FOCAD: variants seen among roughly 807,000 people sequenced by gnomAD.
FOCAD encodes the protein focadhesin.
In FOCAD, 198 loss-of-function variants were observed where a neutral mutation model predicts 225.6. That is an observed-to-expected ratio of 0.88 (90% CI 0.78 to 0.99). The LOEUF is 0.99. Ranked by LOEUF, FOCAD falls within the 50% of genes least tolerant of loss-of-function variation. FOCAD has a pLI of 0.00. For missense variants in FOCAD, 2,713 were observed against 2,123.6 expected (o/e 1.28, Z -5.46); for synonymous variants, 897 against 755.0 (o/e 1.19, Z -3.08).
At chr9:20,953,777 G>A (rs1240143497) in intron 35 of FOCAD, among the ~76,000 whole-genome samples, 1 of 152,120 alleles carries the variant, frequency 6.6e-6, no homozygotes, top group Non-Finnish European at 1.5e-5. Context: ...TTCATTGATG[G>A]GTTTGCTAAT....
intron 15 of FOCAD, among the ~76,000 whole-genome samples, chr9:20,835,471 C>T (rs1324641755): frequency 6.6e-6 from 1 of 152,036 alleles, no homozygotes; most frequent in Non-Finnish European, 1.5e-5. Flanking sequence ...TTAAATTTTA[C>T]TATCAGCCAT....
chr9:20,680,183 TC>T (rs1822359216), upstream of FOCAD, among the ~76,000 whole-genome samples: 4 of 152,246 alleles, frequency 2.6e-5, no homozygotes, highest in Admixed American at 6.5e-5. Context: ...AGAATCTTTT[TC>T]CTCCTGGCTA....
intron 30 of FOCAD, among the ~76,000 whole-genome samples, chr9:20,947,569 T>C (rs914791706): frequency 6.6e-6 from 1 of 152,102 alleles, no homozygotes; most frequent in African/African-American, 2.4e-5. Flanking sequence ...TGGAGATGGA[T>C]GGTGGTATTG....
At chr9:20,875,942 C>T (rs1219821719) in intron 19 of FOCAD, 2 of 152,090 alleles carry the variant, frequency 1.3e-5, no homozygotes, top group African/African-American at 2.4e-5. Context: ...AAATGAAGTT[C>T]AATCAAAACA....
At position 20,769,926 on chromosome 9, in the gene FOCAD, T is replaced by C. The variant is rs908451816; in HGVS notation, c.700-106T>C. The C allele has an allele frequency of 3.1e-5, 31 of 991,838 alleles. 1 individual carries two copies. The highest frequency in any genetic ancestry group is 3.7e-5 in the Non-Finnish European group (25 of 674,834). 61.4% of individuals were successfully genotyped at this position (991,838 alleles called of 1,614,324 possible). A position where few individuals can be genotyped will look rare whatever the true frequency, so the allele number is the denominator to read the frequency against. The stretch of plus-strand genomic sequence containing the variant: ...CTTTTTTTCATCTCCTTTAAGTCTT[T>C]ATAGGTTTAGAGAAAAAATTACATT... On this transcript the variant is annotated intron_variant, in intron 7 of 43. Coordinates refer to ENST00000338382, the MANE Select transcript of FOCAD (RefSeq NM_001375567.1).
At chr9:20,874,886 A>T in intron 19 of FOCAD, 79 bp downstream of exon 19, 1 of 1,547,764 alleles carries the variant, frequency 6.5e-7, no homozygotes, top group Non-Finnish European at 8.9e-7. Flanking sequence ...TGTGATAGGT[A>T]CATAGTATAG....
At chr9:20,862,955 T>A (rs1828911659) in intron 16 of FOCAD, 1 of 310,056 alleles carries the variant, frequency 3.2e-6, no homozygotes, top group Non-Finnish European at 5.8e-6. Context: ...AAAGTCAATA[T>A]TGTAAAACTA....
chr9:20,923,860 C>T, intron 25 of FOCAD, 92 bp downstream of exon 25: 1 of 929,106 alleles, frequency 1.1e-6, no homozygotes, highest in Non-Finnish European at 1.7e-6. Flanking sequence ...AGGTTAGATT[C>T]TGTGATTATG....
chr9:20,926,482 C>A (rs1277292391), intron 26 of FOCAD, 65 bp downstream of exon 26: 3 of 1,056,046 alleles, frequency 2.8e-6, no homozygotes, highest in African/African-American at 1.6e-5. Context: ...ATCAGTTGGT[C>A]ACATGAAATC....
At chr9:20,975,955 T>G (rs929821323) in intron 35 of FOCAD, among the ~76,000 whole-genome samples, 30 of 152,064 alleles carry the variant, frequency 2.0e-4, no homozygotes, top group African/African-American at 7.0e-4. Context: ...GGAAACAAAA[T>G]GAGGAATAAG....
chr9:20,981,738 A>G, intron 38 of FOCAD, 52 bp downstream of exon 38: 1 of 1,562,412 alleles, frequency 6.4e-7, no homozygotes, highest in Non-Finnish European at 8.7e-7. Flanking sequence ...GGGATATTTT[A>G]AAGGCTTCTT....
intron 2 of FOCAD, among the ~76,000 whole-genome samples, chr9:20,661,850 C>T (rs1821737375): frequency 6.6e-6 from 1 of 152,098 alleles, no homozygotes; most frequent in African/African-American, 2.4e-5. Flanking sequence ...TGGGCAAAAG[C>T]ACCACTGTTA....
At chr9:20,740,764 A>G (rs1827548561) in intron 5 of FOCAD, among the ~76,000 whole-genome samples, 1 of 152,328 alleles carries the variant, frequency 6.6e-6, no homozygotes, top group Admixed American at 6.5e-5. Flanking sequence ...GACTTAGGCC[A>G]AGGTCAGTAG....
chr9:20,970,513 A>G (rs1159226451), intron 35 of FOCAD, among the ~76,000 whole-genome samples: 1 of 151,962 alleles, frequency 6.6e-6, no homozygotes, highest in East Asian at 1.9e-4. Context: ...TAGAGTACAG[A>G]ACTCTATAAT....
rs918497439 is a variant in FOCAD at position 20,815,304 on chromosome 9, T to A, written c.1456-4492T>A. Among the ~76,000 whole-genome samples the A allele has an allele frequency of 6.2e-5, 9 of 144,454 alleles. No homozygotes were observed. The Admixed American group carries it at 6.3e-4, about 10-fold the overall frequency. The allele number at this position is 144,454 out of a possible 152,430, so 94.8% of individuals were successfully genotyped here. On this transcript the variant is annotated intron_variant, in intron 11 of 43. Transcript: ENST00000338382. ...ATGCACCACCATACCCAGCTAATTTTTGTAGTTTTTTTTTTTTTTTAGTAT... is the reference window on the plus strand; with the variant it reads ...ATGCACCACCATACCCAGCTAATTTATGTAGTTTTTTTTTTTTTTTAGTAT...
chr9:20,770,327 G>C (rs1818076284), intron 8 of FOCAD, 89 bp downstream of exon 8: 1 of 1,230,840 alleles, frequency 8.1e-7, no homozygotes, highest in Admixed American at 2.0e-5. Context: ...AGGTTTAATT[G>C]GCTTACAGTC....
At chr9:20,660,102 T>C (rs1161127299) in intron 2 of FOCAD, among the ~76,000 whole-genome samples, 2 of 152,194 alleles carry the variant, frequency 1.3e-5, no homozygotes, top group Non-Finnish European at 2.9e-5. Context: ...GGGACATCCT[T>C]ATGGACAGGT....
At chr9:20,889,967 C>G (rs1831475314) in intron 21 of FOCAD, among the ~76,000 whole-genome samples, 2 of 152,062 alleles carry the variant, frequency 1.3e-5, no homozygotes, top group Admixed American at 6.6e-5. Context: ...TATTTTGATG[C>G]TATTCAAATT....
intron 29 of FOCAD, 134 bp from the exon 30 acceptor site, chr9:20,946,567 C>T: frequency 1.1e-6 from 1 of 891,256 alleles, no homozygotes; most frequent in Non-Finnish European, 1.7e-6. Flanking sequence ...AAAAACAGTG[C>T]CCAATCCATG....
Sources: allele counts gnomAD v4.1 joint callset (sites outside exome capture counted in the v4.1 genomes callset), GRCh38; gene constraint gnomAD v4.1.1; transcripts MANE v1.5; gene names NCBI Gene and HGNC (gene_info 2026-07-23, HGNC 2026-07-21).